TTBK2: variants seen among roughly 807,000 people sequenced by gnomAD.
TTBK2 encodes tau tubulin kinase 2.
A neutral mutation model predicts 110.8 loss-of-function variants in TTBK2; 28 were observed. That is an observed-to-expected ratio of 0.25 (90% CI 0.19 to 0.35). TTBK2 has a LOEUF of 0.35. TTBK2 is among the 10% of genes least tolerant of loss of function. TTBK2 has a pLI of 1.00. For synonymous variants in TTBK2, 532 were observed against 527.3 expected (o/e 1.01, Z -0.12); for missense variants, 1,369 against 1,500.3 (o/e 0.91, Z 1.45).
intron 4 of TTBK2, among the ~76,000 whole-genome samples, chr15:42,837,404 TC>T (rs1893034087): frequency 6.9e-6 from 1 of 145,374 alleles, no homozygotes; most frequent in African/African-American, 2.5e-5. Flanking sequence ...ACGCCTGTAA[TC>T]CCAGCACTTT....
At chr15:42,808,590 T>C (rs1891577820) in intron 9 of TTBK2, among the ~76,000 whole-genome samples, 1 of 152,134 alleles carries the variant, frequency 6.6e-6, no homozygotes, top group African/African-American at 2.4e-5. Flanking sequence ...GGCTTCATGC[T>C]GGCTATTTCA....
At chr15:42,847,823 T>G (rs1311875102) in intron 3 of TTBK2, among the ~76,000 whole-genome samples, 3 of 152,220 alleles carry the variant, frequency 2.0e-5, no homozygotes, top group Non-Finnish European at 2.9e-5. Context: ...CCTAGTTCTG[T>G]ACTACGTTTT....
intron 1 of TTBK2, among the ~76,000 whole-genome samples, chr15:42,882,734 A>G (rs771432720): frequency 7.9e-5 from 12 of 152,196 alleles, no homozygotes; most frequent in Non-Finnish European, 1.6e-4. Flanking sequence ...CAAGAAATAG[A>G]AACACATATT....
At chr15:42,824,203 A>C (rs1441416831) in intron 6 of TTBK2, among the ~76,000 whole-genome samples, 1 of 152,164 alleles carries the variant, frequency 6.6e-6, no homozygotes, top group Non-Finnish European at 1.5e-5. Context: ...CACTTCCAGC[A>C]CTGGAATCAA....
intron 3 of TTBK2, among the ~76,000 whole-genome samples, chr15:42,867,101 G>T (rs977726482): frequency 6.6e-6 from 1 of 151,822 alleles, no homozygotes; most frequent in African/African-American, 2.4e-5. Context: ...AAAATTAGCC[G>T]GGCATGGTGG....
Position 42,752,313 on chromosome 15 carries a change from A to G in TTBK2, c.2933T>C (p.Leu978Pro). ...LLQKKAYQPD[L>P]VKLLVEKRQF... ...TCTTTTTTCCACCAGAAGCTTGACT[A>G]GGTCTGGCTGATAGGCTTTCTTTTG... Residue 978 changes from leucine to proline, a missense_variant, in exon 14 of 15, where the codon CTA (leucine) becomes CCA (proline). This residue lies in a region of TTBK2 where 1,097 missense variants were observed against 1,114.7 expected (regional missense o/e 0.98). Coordinates refer to ENST00000267890, the MANE Select transcript of TTBK2 (RefSeq NM_173500.4). 2 of 1,614,188 alleles carry G rather than the reference A, an allele frequency of 1.2e-6. No homozygotes were observed. The highest frequency in any genetic ancestry group is 1.7e-6 in the Non-Finnish European group (2 of 1,180,030).
Position 42,744,737 on chromosome 15 carries a change from T to C in TTBK2, c.*1058A>G. On this transcript the variant is annotated 3_prime_UTR_variant, in exon 15 of 15. Transcript: ENST00000267890. The stretch of plus-strand genomic sequence containing the variant: ...ATTAATTCCTTATTGGCTAAATGTA[T>C]AAAATACAAAGTTTGAGGATTCTAA... 1 of 152,244 alleles carries C rather than the reference T, an allele frequency of 6.6e-6. No homozygotes were observed. The highest frequency in any genetic ancestry group is 2.1e-4 in the South Asian group (1 of 4,832). The allele number at this position is 152,244 out of a possible 1,614,324, so 9.4% of individuals were successfully genotyped here. A position where few individuals can be genotyped will look rare whatever the true frequency, so the allele number is the denominator to read the frequency against.
intron 1 of TTBK2, among the ~76,000 whole-genome samples, chr15:42,901,073 G>C (rs2029974036): frequency 6.6e-6 from 1 of 152,040 alleles, no homozygotes; most frequent in African/African-American, 2.4e-5. Context: ...AAAATTATTA[G>C]AGGAAGGCCG....
intron 1 of TTBK2, among the ~76,000 whole-genome samples, chr15:42,902,496 G>A (rs940330057): frequency 6.6e-6 from 1 of 152,004 alleles, no homozygotes; most frequent in African/African-American, 2.4e-5. Context: ...CTCCAGCCTG[G>A]GCAAGAAGAG....
chr15:42,890,022 G>C (rs1895392246), intron 1 of TTBK2, among the ~76,000 whole-genome samples: 1 of 152,178 alleles, frequency 6.6e-6, no homozygotes, highest in Non-Finnish European at 1.5e-5. Flanking sequence ...TATATATCCA[G>C]ATGGCCTGAA....
At chr15:42,846,776 G>A (rs747069091) in intron 3 of TTBK2, among the ~76,000 whole-genome samples, 1 of 152,166 alleles carries the variant, frequency 6.6e-6, no homozygotes, top group East Asian at 1.9e-4. Flanking sequence ...TTAGAGGAGA[G>A]GATTGGAACT....
chr15:42,792,507 C>T (rs182900870), intron 10 of TTBK2, among the ~76,000 whole-genome samples: 6 of 152,234 alleles, frequency 3.9e-5, no homozygotes, highest in African/African-American at 1.2e-4. Flanking sequence ...ATCATCTGAT[C>T]TATCAGGACA....
At position 42,848,985 on chromosome 15, in the gene TTBK2, G is replaced by C. The variant is rs780796810; in HGVS notation, c.218-8552C>G. 5.3e-5 allele frequency among the ~76,000 whole-genome samples: 8 copies of C among 152,034 alleles called. No homozygotes were observed. In the South Asian group the frequency reaches 6.2e-4, roughly 12 times the overall value. On this transcript the variant is annotated intron_variant, in intron 3 of 14. Transcript: ENST00000267890. ...TATGATTCTTGGGATTTTCTATATA[G>C]ACAATCATGTCATCCACAAACAGGA...
intron 7 of TTBK2, among the ~76,000 whole-genome samples, chr15:42,814,259 A>G (rs1323999159): frequency 6.6e-6 from 1 of 152,090 alleles, no homozygotes; most frequent in African/African-American, 2.4e-5. Context: ...AAGTCCTTGT[A>G]TTATTTAAGA....
intron 5 of TTBK2, 99 bp downstream of exon 5, chr15:42,829,839 A>T: frequency 1.3e-6 from 2 of 1,501,460 alleles, no homozygotes; most frequent in Non-Finnish European, 1.8e-6. Flanking sequence ...GTATTTTACC[A>T]CAGCAAATAC....
intron 13 of TTBK2, among the ~76,000 whole-genome samples, 182 bp downstream of exon 13, chr15:42,774,953 C>T (rs1331141346): frequency 6.6e-6 from 1 of 152,120 alleles, no homozygotes; most frequent in Non-Finnish European, 1.5e-5. Flanking sequence ...TAAAAGAAGA[C>T]CTCACTTTTT....
intron 6 of TTBK2, among the ~76,000 whole-genome samples, chr15:42,820,153 A>G (rs1180359464): frequency 1.3e-5 from 2 of 152,258 alleles, no homozygotes; most frequent in Non-Finnish European, 2.9e-5. Context: ...ACCAGTTTGC[A>G]TATCTCATCT....
chr15:42,819,826 C>A (rs1192723031), intron 6 of TTBK2, among the ~76,000 whole-genome samples: 1 of 152,288 alleles, frequency 6.6e-6, no homozygotes, highest in East Asian at 1.9e-4. Context: ...TACTTTTATT[C>A]ATTACCTGAC....
intron 6 of TTBK2, among the ~76,000 whole-genome samples, chr15:42,823,579 C>T (rs577713467): frequency 4.6e-5 from 7 of 152,250 alleles, no homozygotes; most frequent in East Asian, 1.9e-4. Context: ...GAAGTTCTTT[C>T]GTGGTGATAG....
Sources: allele counts gnomAD v4.1 joint callset (sites outside exome capture counted in the v4.1 genomes callset), GRCh38; gene constraint gnomAD v4.1.1; regional missense constraint gnomAD v4.1.1; transcripts MANE v1.5; gene names NCBI Gene and HGNC (gene_info 2026-07-23, HGNC 2026-07-21).